The following KLHL29 variants were observed in gnomAD, a reference collection of about 807,000 sequenced individuals.
KLHL29 encodes the protein kelch like family member 29, also known as kelch-like protein 29.
A neutral mutation model predicts 80.4 loss-of-function variants in KLHL29; 21 were observed. The observed-to-expected ratio is 0.26, with a 90% confidence interval of 0.19 to 0.38. KLHL29 has a LOEUF of 0.38. Ranked by LOEUF, KLHL29 falls within the 10% of genes least tolerant of loss-of-function variation. KLHL29 has a pLI of 1.00. For synonymous variants in KLHL29, 511 were observed against 526.8 expected (o/e 0.97, Z 0.41); for missense variants, 867 against 1,223.9 (o/e 0.71, Z 4.35).
At chr2:23,664,536 G>A (rs549578463) in intron 5 of KLHL29, among the ~76,000 whole-genome samples, 54 of 152,346 alleles carry the variant, frequency 3.5e-4, no homozygotes, top group Non-Finnish European at 5.0e-4. Flanking sequence ...CAAGATCACC[G>A]CACAGAACAT....
intron 2 of KLHL29, among the ~76,000 whole-genome samples, chr2:23,560,331 C>T (rs1667418217): frequency 1.6e-5 from 2 of 128,256 alleles, no homozygotes; most frequent in Non-Finnish European, 3.1e-5. Context: ...AGTGCAATAT[C>T]GCGATCTCAG....
intron 2 of KLHL29, among the ~76,000 whole-genome samples, chr2:23,488,411 G>C (rs1275519755): frequency 1.3e-5 from 2 of 152,154 alleles, no homozygotes; most frequent in African/African-American, 4.8e-5. Flanking sequence ...CAGATGCTGG[G>C]AACCAGACCA....
At chr2:23,521,001 C>T (rs367902273) in intron 2 of KLHL29, among the ~76,000 whole-genome samples, 9 of 151,964 alleles carry the variant, frequency 5.9e-5, no homozygotes, top group South Asian at 4.2e-4. Context: ...CACCCCCCCC[C>T]CCGCTCCCCC....
chr2:23,391,815 A>G (rs769964062), intron 1 of KLHL29, among the ~76,000 whole-genome samples: 2 of 152,234 alleles, frequency 1.3e-5, no homozygotes, highest in African/African-American at 2.4e-5. Flanking sequence ...GTCACACAGA[A>G]TACTGTCCAA....
At chr2:23,526,292 A>G (rs6753549) in intron 2 of KLHL29, among the ~76,000 whole-genome samples, 74,982 of 150,656 alleles carry the variant, frequency 0.5, 19,054 homozygotes, top group East Asian at 0.58. Flanking sequence ...GTCACAGGGG[A>G]GGGGAAACCA....
intron 2 of KLHL29, among the ~76,000 whole-genome samples, chr2:23,553,041 T>C (rs1001722830): frequency 3.3e-5 from 5 of 152,162 alleles, no homozygotes; most frequent in African/African-American, 1.2e-4. Flanking sequence ...ATTATAGGCA[T>C]GAGCCACCAC....
intron 3 of KLHL29, among the ~76,000 whole-genome samples, chr2:23,634,444 G>C (rs533029457): frequency 5.9e-5 from 9 of 152,252 alleles, no homozygotes; most frequent in African/African-American, 2.2e-4. Context: ...ATCCTGCCTA[G>C]CTTTTGTGGC....
chr2:23,436,081 G>A (rs1288133489), intron 1 of KLHL29, among the ~76,000 whole-genome samples: 1 of 151,996 alleles, frequency 6.6e-6, no homozygotes, highest in Admixed American at 6.6e-5. Context: ...CAGCCTCTGT[G>A]ATGGCTGTTT....
At chr2:23,472,069 A>G (rs17045420) in intron 1 of KLHL29, among the ~76,000 whole-genome samples, 38,173 of 138,874 alleles carry the variant, frequency 0.27, 5,200 homozygotes, top group East Asian at 0.42. Flanking sequence ...GATGGGTGCT[A>G]TGGACCAGAG....
chr2:23,631,046 C>T (rs765692788), intron 3 of KLHL29, among the ~76,000 whole-genome samples: 1 of 152,158 alleles, frequency 6.6e-6, no homozygotes, highest in Non-Finnish European at 1.5e-5. Flanking sequence ...TTACAGATGA[C>T]CCTTGGGGCT....
intron 1 of KLHL29, among the ~76,000 whole-genome samples, chr2:23,425,791 C>G (rs1374783285): frequency 1.3e-5 from 2 of 152,234 alleles, no homozygotes; most frequent in Non-Finnish European, 2.9e-5. Context: ...CAATAGCAGC[C>G]AGGTGGAATT....
chr2:23,427,498 G>A (rs1221924565), intron 1 of KLHL29, among the ~76,000 whole-genome samples: 2 of 152,152 alleles, frequency 1.3e-5, no homozygotes, highest in East Asian at 3.8e-4. Context: ...AGGCTCAGAG[G>A]GGTGGCGTGT....
At chr2:23,385,958 G>T (rs1402799893) in intron 1 of KLHL29, among the ~76,000 whole-genome samples, 178 bp downstream of exon 1, 1 of 152,046 alleles carries the variant, frequency 6.6e-6, no homozygotes, top group African/African-American at 2.4e-5. Context: ...GGACTCGCAG[G>T]CTGCAGGAGC....
chr2:23,401,417 G>C (rs554725767), intron 1 of KLHL29, among the ~76,000 whole-genome samples: 2 of 152,336 alleles, frequency 1.3e-5, no homozygotes, highest in East Asian at 3.9e-4. Flanking sequence ...AAGCTTGCAA[G>C]GCCCAGCTTG....
chr2:23,391,333 G>C (rs1666318592), intron 1 of KLHL29, among the ~76,000 whole-genome samples: 1 of 152,188 alleles, frequency 6.6e-6, no homozygotes, highest in Admixed American at 6.5e-5. Context: ...CCATGTTGTA[G>C]CTACTGAGAA....
At chr2:23,701,989 T>C (rs1220348227) in intron 11 of KLHL29, among the ~76,000 whole-genome samples, 1 of 151,450 alleles carries the variant, frequency 6.6e-6, no homozygotes, top group Non-Finnish European at 1.5e-5. Flanking sequence ...ATTTTTTTTT[T>C]TTTTTGTATT....
intron 2 of KLHL29, among the ~76,000 whole-genome samples, chr2:23,557,393 G>A (rs542893572): frequency 6.6e-6 from 1 of 152,168 alleles, no homozygotes; most frequent in Non-Finnish European, 1.5e-5. Flanking sequence ...AAGTCTCACC[G>A]AAAGGCTGGC....
At chr2:23,643,191 G>A (rs1243951954) in intron 5 of KLHL29, 6 of 470,688 alleles carry the variant, frequency 1.3e-5, no homozygotes, top group Non-Finnish European at 2.4e-5. Flanking sequence ...CTGCAAAAGG[G>A]TGAGAGTCAT....
chr2:23,684,524 G>A lies in KLHL29; in HGVS notation c.1066G>A (p.Asp356Asn). 2 of 1,548,094 alleles carry A rather than the reference G, an allele frequency of 1.3e-6. No individual in the cohort carries two copies. Among genetic ancestry groups the A allele is most frequent in the Admixed American group, 4.0e-5 (2 of 49,860 alleles). ...AGCTTCCTGCAGCTTGTATTTCAAG[G>A]ACCTGATTCAAAGGTTTGCCTTCCT... ...VLASCSLYFK[D>N]LIQRSVQDSG... is the part of the protein sequence containing the mutation. The change falls in exon 6 of 14, where the codon GAC (aspartate) becomes AAC (asparagine). Residue 356 changes from aspartate to asparagine, a missense_variant. Physicochemically the swap from Asp to Asn is conservative, Grantham distance 23 (BLOSUM62 1). Transcript: ENST00000486442. This position sits in a 1 kb window ranked among gnomAD's most constrained non-coding sequence, Gnocchi z 4.4.
Sources: allele counts gnomAD v4.1 joint callset (sites outside exome capture counted in the v4.1 genomes callset), GRCh38; gene constraint gnomAD v4.1.1; non-coding constraint Gnocchi (gnomAD v3.1); transcripts MANE v1.5; gene names NCBI Gene and HGNC (gene_info 2026-07-23, HGNC 2026-07-21).